LIMD2: variants seen among roughly 807,000 people sequenced by gnomAD.
The protein encoded by LIMD2 is LIM domain containing 2.
In LIMD2, 11 loss-of-function variants were observed where a neutral mutation model predicts 16.0. The observed-to-expected ratio is 0.69, with a 90% CI of 0.43 to 1.14. LIMD2 has a LOEUF of 1.14. LIMD2 is among the 50% of genes most tolerant of loss of function. LIMD2 has a pLI of 0.00. For missense variants in LIMD2, 168 were observed against 165.8 expected (o/e 1.01, Z -0.07); for synonymous variants, 60 against 67.1 (o/e 0.89, Z 0.52).
chr17:63,700,050 C>A lies in LIMD2; in HGVS notation c.-69G>T. On this transcript the variant is annotated 5_prime_UTR_variant, in exon 1 of 5. Transcript: ENST00000259006. This position sits in a 1 kb window ranked among gnomAD's most constrained non-coding sequence, Gnocchi z 7.1. ...CTCTCACCAGGCCCGGCCTGGGCCG[C>A]GGGGCGGGATCGGTCTCCGGGGGCG... 1 of 983,988 alleles carries A rather than the reference C, an allele frequency of 1.0e-6. No individual in the cohort carries two copies. The highest frequency in any genetic ancestry group is 4.6e-5 in the South Asian group (1 of 21,620). 61.0% of individuals were successfully genotyped at this position (983,988 alleles called of 1,614,324 possible). A position where few individuals can be genotyped will look rare whatever the true frequency, so the allele number is the denominator to read the frequency against.
In LIMD2 at chr17:63,696,539, G is replaced by A. The variant is rs1049284189; in HGVS notation, c.*2013C>T. The A allele has an allele frequency of 6.6e-6, 1 of 152,268 alleles. No individual in the cohort carries two copies. The highest frequency in any genetic ancestry group is 1.5e-5 in the Non-Finnish European group (1 of 68,178). 9.4% of individuals were successfully genotyped at this position (152,268 alleles called of 1,614,324 possible). A position where few individuals can be genotyped will look rare whatever the true frequency, so the allele number is the denominator to read the frequency against. On this transcript the variant is annotated 3_prime_UTR_variant, in exon 5 of 5. Transcript: ENST00000259006. Reference sequence around the variant, plus strand: ...AGCTCCACTGGGGTGGTCCCAACAGGGCTGATTTACCAGGGTGGCACTGCT... The same window carrying A: ...AGCTCCACTGGGGTGGTCCCAACAGAGCTGATTTACCAGGGTGGCACTGCT...
At chr17:63,698,961 T>G in intron 3 of LIMD2, 23 bp from the exon 4 acceptor site, 1 of 1,612,440 alleles carries the variant, frequency 6.2e-7, no homozygotes, top group Non-Finnish European at 8.5e-7. Flanking sequence ...CTCAGCCAGG[T>G]GCTGCCCCAG....
In LIMD2 at chr17:63,696,777, G is replaced by A. The variant is rs2035700323; in HGVS notation, c.*1775C>T. ...ATGATCCTTGCCATCTGAGACCTCT[G>A]GTGCAGGAAGTTGGCCTGCCCTGAG... On this transcript the variant is annotated 3_prime_UTR_variant, in exon 5 of 5. Coordinates refer to ENST00000259006, the MANE Select transcript of LIMD2 (RefSeq NM_030576.4). The A allele has an allele frequency of 6.6e-6, 1 of 152,224 alleles. No individual in the cohort carries two copies. Among genetic ancestry groups the A allele is most frequent in the South Asian group, 2.1e-4 (1 of 4,834 alleles). 9.4% of individuals were successfully genotyped at this position (152,224 alleles called of 1,614,324 possible). A position where few individuals can be genotyped will look rare whatever the true frequency, so the allele number is the denominator to read the frequency against.
upstream of LIMD2, chr17:63,700,142 C>A: frequency 1.0e-6 from 1 of 984,184 alleles, no homozygotes; most frequent in Non-Finnish European, 1.2e-6. This position sits in a 1 kb window ranked among gnomAD's most constrained non-coding sequence, Gnocchi z 7.1. Context: ...CCACCGCCGC[C>A]GCCACCGCCT....
rs1225222632 is a variant in LIMD2 at position 63,698,023 on chromosome 17, AG to A, written c.*528del. On this transcript the variant is annotated 3_prime_UTR_variant, in exon 5 of 5. Coordinates refer to ENST00000259006, the MANE Select transcript of LIMD2 (RefSeq NM_030576.4). ...AGGCCCTGCCTTGCCCTGCAGAGGC[AG>A]GGTGGCTCCACTTCCCCATCTCCTC... is the stretch of plus-strand genomic sequence containing the variant. 3.5e-4 allele frequency: 55 copies of A among 158,036 alleles called. No homozygotes were observed. The highest frequency in any genetic ancestry group is 3.5e-4 in the Non-Finnish European group (25 of 71,070). The allele number at this position is 158,036 out of a possible 1,614,324, so 9.8% of individuals were successfully genotyped here.
In LIMD2 at chr17:63,699,293, G is replaced by A; in HGVS notation, c.6C>T (p.Phe2=). The change falls in exon 2 of 5, where the codon TTC becomes TTT. Residue 2 remains phenylalanine, a synonymous_variant. Transcript: ENST00000259006. M[F]QAAGAAQATP... ...TGGCCTGGGCGGCTCCTGCAGCCTG[G>A]AACATGGCTCGTTGGAGGTGGAAGC... 1 of 1,608,238 alleles carries A rather than the reference G, an allele frequency of 6.2e-7. No individual in the cohort carries two copies. The highest frequency in any genetic ancestry group is 8.5e-7 in the Non-Finnish European group (1 of 1,177,566).
Position 63,700,039 on chromosome 17 carries a change from G to A in LIMD2, c.-58C>T, listed in dbSNP as rs1436100694. 3 of 984,102 alleles carry A rather than the reference G, an allele frequency of 3.0e-6. No homozygotes were observed. Among genetic ancestry groups the A allele is most frequent in the South Asian group, 4.6e-5 (1 of 21,550 alleles). 61.0% of individuals were successfully genotyped at this position (984,102 alleles called of 1,614,324 possible). On this transcript the variant is annotated 5_prime_UTR_variant, in exon 1 of 5. Coordinates refer to ENST00000259006, the MANE Select transcript of LIMD2 (RefSeq NM_030576.4). This position sits in a 1 kb window ranked among gnomAD's most constrained non-coding sequence, Gnocchi z 7.1. ...TCCCCCCGCGGCTCTCACCAGGCCC[G>A]GCCTGGGCCGCGGGGCGGGATCGGT...
intron 1 of LIMD2, 71 bp from the exon 2 acceptor site, chr17:63,699,419 G>A: frequency 2.3e-5 from 33 of 1,424,088 alleles, no homozygotes; most frequent in Non-Finnish European, 3.1e-5. Context: ...GGTGTTGACA[G>A]GCAGGGGCTG....
chr17:63,700,137 G>A, upstream of LIMD2: 1 of 983,706 alleles, frequency 1.0e-6, no homozygotes, highest in Non-Finnish European at 1.2e-6. This position sits in a 1 kb window ranked among gnomAD's most constrained non-coding sequence, Gnocchi z 7.1. Flanking sequence ...CCGAGCCACC[G>A]CCGCCGCCAC....
chr17:63,697,308 G>C lies in LIMD2; in HGVS notation c.*1244C>G, dbSNP rs183936742. ...GTAATGATGAGGGGGGACAATCCAG[G>C]GGTCACTAAAACCTTGGGCAGCACT... is the stretch of plus-strand genomic sequence containing the variant. On this transcript the variant is annotated 3_prime_UTR_variant, in exon 5 of 5. Transcript: ENST00000259006. The C allele has an allele frequency of 6.6e-6, 1 of 152,396 alleles. No individual in the cohort carries two copies. The highest frequency in any genetic ancestry group is 1.5e-5 in the Non-Finnish European group (1 of 68,092). The allele number at this position is 152,396 out of a possible 1,614,324, so 9.4% of individuals were successfully genotyped here.
chr17:63,700,311 C>A (rs184846571), upstream of LIMD2: 2,094 of 327,968 alleles, frequency 6.4e-3, 22 homozygotes, highest in Middle Eastern at 0.04. The surrounding 1 kb of genome is among the most constrained non-coding windows in gnomAD (Gnocchi z 7.1). Flanking sequence ...CCCGCCCCGG[C>A]TCCGCGCTCC....
rs571879193 is a variant in LIMD2, at chr17:63,699,663, G to A, written c.-50-315C>T. 3.6e-4 allele frequency: 101 copies of A among 282,142 alleles called. 2 individuals carry two copies. The highest frequency in any genetic ancestry group is 2.2e-3 in the African/African-American group (96 of 44,280). 17.5% of individuals were successfully genotyped at this position (282,142 alleles called of 1,614,324 possible). A position where few individuals can be genotyped will look rare whatever the true frequency, so the allele number is the denominator to read the frequency against. On this transcript the variant is annotated intron_variant, in intron 1 of 4. Transcript: ENST00000259006. ...GGGGTGAGGGGAGGTCGGGGCCGGC[G>A]GGGCCGCGATGAGAAGCCGCTGCCC... is the stretch of plus-strand genomic sequence containing the variant.
chr17:63,699,314 G>A lies in LIMD2; in HGVS notation c.-16C>T. 1.2e-6 allele frequency: 2 copies of A among 1,601,352 alleles called. No individual in the cohort carries two copies. The highest frequency in any genetic ancestry group is 1.7e-6 in the Non-Finnish European group (2 of 1,173,694). ...CCTGGAACATGGCTCGTTGGAGGTG[G>A]AAGCCTCGGGTGGAGAAGCGGCACC... is the stretch of plus-strand genomic sequence containing the variant. On this transcript the variant is annotated 5_prime_UTR_variant, in exon 2 of 5. Coordinates refer to ENST00000259006, the MANE Select transcript of LIMD2 (RefSeq NM_030576.4).
chr17:63,697,283 G>A lies in LIMD2; in HGVS notation c.*1269C>T, dbSNP rs1303053650. On this transcript the variant is annotated 3_prime_UTR_variant, in exon 5 of 5. Coordinates refer to ENST00000259006, the MANE Select transcript of LIMD2 (RefSeq NM_030576.4). ...AAGGGGATGATGACAGCAGCGAGGG[G>A]TAATGATGAGGGGGGACAATCCAGG... 6.6e-6 allele frequency: 1 copy of A among 152,330 alleles called. No homozygotes were observed. The highest frequency in any genetic ancestry group is 1.5e-5 in the Non-Finnish European group (1 of 68,108). The allele number at this position is 152,330 out of a possible 1,614,324, so 9.4% of individuals were successfully genotyped here. A position where few individuals can be genotyped will look rare whatever the true frequency, so the allele number is the denominator to read the frequency against.
At chr17:63,698,977 A>C in intron 3 of LIMD2, 39 bp from the exon 4 acceptor site, 1 of 1,611,342 alleles carries the variant, frequency 6.2e-7, no homozygotes, top group Non-Finnish European at 8.5e-7. Flanking sequence ...CCCAGTGCTC[A>C]TCCCGCTCCC....
At position 63,698,321 on chromosome 17, in the gene LIMD2, A is replaced by C. The variant is rs2035723554; in HGVS notation, c.*231T>G. The C allele has an allele frequency of 1.2e-5, 7 of 588,952 alleles. No homozygotes were observed. The highest frequency in any genetic ancestry group is 2.1e-5 in the Non-Finnish European group (7 of 337,074). The allele number at this position is 588,952 out of a possible 1,614,324, so 36.5% of individuals were successfully genotyped here. ...GGTGGGGAGGGAGGCTGAACGAAGC[A>C]GGAAGCAGGGTGGTGGGCAGACCCC... On this transcript the variant is annotated 3_prime_UTR_variant, in exon 5 of 5. Coordinates refer to ENST00000259006, the MANE Select transcript of LIMD2 (RefSeq NM_030576.4).
In LIMD2 at chr17:63,696,945, C is replaced by T. The variant is rs1206488413; in HGVS notation, c.*1607G>A. ...ACACTGGAGCCTGTGGCCCAGCTCC[C>T]TGCCCTGTTCCACGGGGAGGCCACT... On this transcript the variant is annotated 3_prime_UTR_variant, in exon 5 of 5. Coordinates refer to ENST00000259006, the MANE Select transcript of LIMD2 (RefSeq NM_030576.4). 1 of 152,258 alleles carries T rather than the reference C, an allele frequency of 6.6e-6. No individual in the cohort carries two copies. The highest frequency in any genetic ancestry group is 1.5e-5 in the Non-Finnish European group (1 of 68,090). 9.4% of individuals were successfully genotyped at this position (152,258 alleles called of 1,614,324 possible).
intron 1 of LIMD2, chr17:63,699,772 T>TGGCCCCCCCCC: frequency 6.1e-6 from 2 of 329,574 alleles, no homozygotes; most frequent in Non-Finnish European, 8.6e-6. Flanking sequence ...GCGCCCGAGG[T>TGGCCCCCCCCC]CCCCGCCCGC....
At chr17:63,700,671 G>A (rs957022476), upstream of LIMD2, 4 of 150,954 alleles carry the variant, frequency 2.6e-5, no homozygotes, top group African/African-American at 9.7e-5. This position sits in a 1 kb window ranked among gnomAD's most constrained non-coding sequence, Gnocchi z 7.1. Context: ...CCTGGCCCGG[G>A]GTCCCTCGGG....
Sources: allele counts gnomAD v4.1 joint callset, GRCh38; gene constraint gnomAD v4.1.1; non-coding constraint Gnocchi (gnomAD v3.1); transcripts MANE v1.5; gene names NCBI Gene and HGNC (gene_info 2026-07-23, HGNC 2026-07-21).